Variants in GAK observed in about 807,000 individuals in gnomAD.
GAK encodes cyclin-G-associated kinase.
In GAK, 79 loss-of-function variants were observed where a neutral mutation model predicts 143.9. The observed-to-expected ratio is 0.55, with a 90% CI of 0.46 to 0.66. The LOEUF (loss-of-function observed/expected upper bound fraction) is 0.66. Ranked by LOEUF, GAK falls within the 30% of genes least tolerant of loss-of-function variation. The probability of loss-of-function intolerance (pLI) is 0.00; values close to 1 mark genes in which losing one functional copy is unlikely to be tolerated. For missense variants in GAK, 1,693 were observed against 1,779.7 expected (o/e 0.95, Z 0.88); for synonymous variants, 881 against 765.5 (o/e 1.15, Z -2.49).
rs757466761 is a variant in GAK, at chr4:888,894, G to A, written c.1158C>T (p.Phe386=). The A allele has an allele frequency of 6.2e-7, 1 of 1,611,648 alleles. No individual in the cohort carries two copies. Among genetic ancestry groups the A allele is most frequent in the Non-Finnish European group, 8.5e-7 (1 of 1,179,298 alleles). The change falls in exon 11 of 28, where the codon TTC becomes TTT. Residue 386 remains phenylalanine, a synonymous_variant. Transcript: ENST00000314167. ...DILRGGTERL[F]TNLKDTSSKV... ...TGGAGGAGGTGTCCTTGAGGTTGGT[G>A]AAGAGCCGCTCTGTCCCACCCCGCA... is the stretch of plus-strand genomic sequence containing the variant.
At chr4:861,436 A>C (rs1459378968) in intron 23 of GAK, among the ~76,000 whole-genome samples, 1 of 152,122 alleles carries the variant, frequency 6.6e-6, no homozygotes, top group Non-Finnish European at 1.5e-5. Context: ...AAATAAATTT[A>C]AAAAATTAGA....
chr4:913,504 G>T, intron 2 of GAK, 103 bp downstream of exon 2: 1 of 916,896 alleles, frequency 1.1e-6, no homozygotes, highest in Non-Finnish European at 1.8e-6. Flanking sequence ...GGCTGTAAAA[G>T]GAAACAAAGT....
chr4:915,575 G>C (rs546980537), intron 1 of GAK: 1 of 152,276 alleles, frequency 6.6e-6, no homozygotes, highest in African/African-American at 2.4e-5. Flanking sequence ...CAGGAGCAGA[G>C]TTGGTTTAAC....
chr4:922,146 TG>T, intron 1 of GAK, among the ~76,000 whole-genome samples: 1 of 151,982 alleles, frequency 6.6e-6, no homozygotes, highest in African/African-American at 2.4e-5. Flanking sequence ...TTCATACGAG[TG>T]GGGCCCTAAT....
Position 884,065 on chromosome 4 carries a change from G to A in GAK, c.1227C>T (p.Asp409=). 1.2e-6 allele frequency: 2 copies of A among 1,613,822 alleles called. No homozygotes were observed. The highest frequency in any genetic ancestry group is 1.1e-5 in the South Asian group (1 of 91,084). ...CAATTCTGGATGTGATGTAAGATATGTCCAGGTCACCCTTTGCATAACTGG... is the reference window on the plus strand; with the variant it reads ...CAATTCTGGATGTGATGTAAGATATATCCAGGTCACCCTTTGCATAACTGG... ...SVANYAKGDL[D]ISYITSRIAV... is the part of the protein sequence containing the mutation. Residue 409 remains aspartate, a synonymous_variant, in exon 12 of 28, where the codon GAC becomes GAT. Coordinates refer to ENST00000314167, the MANE Select transcript of GAK (RefSeq NM_005255.4).
intron 18 of GAK, among the ~76,000 whole-genome samples, chr4:872,959 C>A (rs560348713): frequency 6.6e-6 from 1 of 152,032 alleles, no homozygotes; most frequent in African/African-American, 2.4e-5. Context: ...GCAGGGAACA[C>A]GCCTCTCGCC....
intron 24 of GAK, among the ~76,000 whole-genome samples, chr4:856,799 C>T (rs1185554970): frequency 2.6e-5 from 4 of 152,250 alleles, no homozygotes; most frequent in Non-Finnish European, 5.9e-5. Context: ...TGGTTTCAAA[C>T]TCCTGGGTTC....
chr4:931,972 C>T (rs1174776089), intron 1 of GAK, 71 bp downstream of exon 1: 8 of 1,148,982 alleles, frequency 7.0e-6, no homozygotes, highest in Non-Finnish European at 1.0e-5. Context: ...CCACTCCGGG[C>T]TGACGCTGCC....
At chr4:931,945 C>T in intron 1 of GAK, 98 bp downstream of exon 1, 1 of 906,040 alleles carries the variant, frequency 1.1e-6, no homozygotes, top group Non-Finnish European at 1.7e-6. Context: ...CCCTCCCCAG[C>T]CCTAACCCAC....
At chr4:900,673 C>T (rs578230016) in intron 5 of GAK, among the ~76,000 whole-genome samples, 56 of 152,288 alleles carry the variant, frequency 3.7e-4, no homozygotes, top group African/African-American at 1.3e-3. Flanking sequence ...CAGCCCCTTC[C>T]GTCAGAATGG....
intron 11 of GAK, chr4:887,723 A>G (rs1214241219): frequency 6.6e-6 from 1 of 152,392 alleles, no homozygotes; most frequent in Admixed American, 6.5e-5. Context: ...ACACATGCAT[A>G]CACATGCACA....
At chr4:898,647 A>C (rs911783965) in intron 5 of GAK, among the ~76,000 whole-genome samples, 4 of 152,350 alleles carry the variant, frequency 2.6e-5, no homozygotes, top group African/African-American at 7.2e-5. Flanking sequence ...GGATCACCTG[A>C]GGTCAGGAGT....
Position 851,733 on chromosome 4 carries a change from G to A in GAK, c.3508+17C>T. 6.2e-7 allele frequency: 1 copy of A among 1,609,870 alleles called. No individual in the cohort carries two copies. The highest frequency in any genetic ancestry group is 8.5e-7 in the Non-Finnish European group (1 of 1,177,330). On this transcript the variant is annotated intron_variant, in intron 25 of 27. Coordinates refer to ENST00000314167, the MANE Select transcript of GAK (RefSeq NM_005255.4). Reference sequence around the variant, plus strand: ...GGTCTCTGCAAACTCCACAGCAACAGAGAGTGGGGGACTCACCAAAGCTGG... The same window carrying A: ...GGTCTCTGCAAACTCCACAGCAACAAAGAGTGGGGGACTCACCAAAGCTGG...
In GAK at chr4:881,611, A is replaced by G. The variant is rs75623128; in HGVS notation, c.1661+296T>C. 4.2e-3 allele frequency among the ~76,000 whole-genome samples: 634 copies of G among 152,220 alleles called. 5 individuals carry two copies. Among genetic ancestry groups the G allele is most frequent in the African/African-American group, 0.015 (603 of 41,568 alleles). On this transcript the variant is annotated intron_variant, in intron 15 of 27. Transcript: ENST00000314167. The stretch of plus-strand genomic sequence containing the variant: ...TGCTCCACACGGCATTTTCACGTGC[A>G]TTATCCACCAGAGCCCACCACATAC...
chr4:928,395 T>C (rs1367716645), intron 1 of GAK, among the ~76,000 whole-genome samples: 1 of 152,134 alleles, frequency 6.6e-6, no homozygotes, highest in African/African-American at 2.4e-5. Context: ...CTGGGCACAT[T>C]ATCTCATGCC....
At position 893,900 on chromosome 4, in the gene GAK, T is replaced by C. The variant is rs1229666671; in HGVS notation, c.851A>G (p.Gln284Arg). The C allele has an allele frequency of 3.7e-6, 6 of 1,608,592 alleles. No individual in the cohort carries two copies. The Admixed American group carries it at 5.0e-5, about 13-fold the overall frequency. ...GKYSIPPHDT[Q>R]YTVFHSLIRA... Reference sequence around the variant, plus strand: ...GATGAGGCTGTGGAAGACCGTGTACTGCGTGTCGTGCGGGGGGATCGAGTA... The same window carrying C: ...GATGAGGCTGTGGAAGACCGTGTACCGCGTGTCGTGCGGGGGGATCGAGTA... The change falls in exon 8 of 28, where the codon CAG (glutamine) becomes CGG (arginine). Residue 284 changes from glutamine (Q) to arginine (R), a missense_variant. Gln to Arg is a conservative substitution (Grantham distance 43, BLOSUM62 1). This residue lies in a region of GAK where 871 missense variants were observed against 991.0 expected (regional missense o/e 0.88). Coordinates refer to ENST00000314167, the MANE Select transcript of GAK (RefSeq NM_005255.4).
At position 867,168 on chromosome 4, in the gene GAK, T is replaced by G. The variant is rs1304578665; in HGVS notation, c.2660A>C (p.His887Pro). Residue 887 changes from histidine (H) to proline (P), a missense_variant, in exon 21 of 28, where the codon CAC becomes CCC. Physicochemically the swap from His to Pro is moderately conservative, Grantham distance 77. Coordinates refer to ENST00000314167, the MANE Select transcript of GAK (RefSeq NM_005255.4). ...AGCTGGCCCTGCGCCCACCTCGGAG[T>G]GCAGGCCCAGGAGGTCGACCCCGTC... ...QEDGVDLLGLHSEVGAGPAVP... is the reference protein window; with the variant it reads ...QEDGVDLLGLPSEVGAGPAVP... 6.2e-7 allele frequency: 1 copy of G among 1,605,310 alleles called. No homozygotes were observed. Among genetic ancestry groups the G allele is most frequent in the Admixed American group, 1.7e-5 (1 of 59,516 alleles).
intron 1 of GAK, among the ~76,000 whole-genome samples, chr4:926,586 C>T (rs776689683): frequency 5.3e-5 from 8 of 152,192 alleles, no homozygotes; most frequent in Non-Finnish European, 1.2e-4. Context: ...TGACCATGCT[C>T]GGCAAATACG....
At chr4:913,779 A>C (rs2152941474) in intron 1 of GAK, 111 bp from the exon 2 acceptor site, 1 of 916,772 alleles carries the variant, frequency 1.1e-6, no homozygotes, top group Middle Eastern at 2.2e-4. Context: ...CGTGGCCAGC[A>C]GTTTTCTACA....
Sources: gnomAD v4.1 joint callset for allele counts (sites outside exome capture counted in the v4.1 genomes callset) on GRCh38, gnomAD v4.1.1 for gene constraint, gnomAD v4.1.1 regional missense constraint, MANE v1.5 for transcripts, NCBI Gene and HGNC (gene_info 2026-07-23, HGNC 2026-07-21) for gene names.